SORCS2: variants seen among roughly 807,000 people sequenced by gnomAD.
SORCS2 encodes sortilin related VPS10 domain containing receptor 2, also known as VPS10 domain-containing receptor SorCS2.
Under a neutral mutation model 141.6 loss-of-function variants are expected in SORCS2, and 100 were observed. That is an observed-to-expected ratio of 0.71 (90% CI 0.60 to 0.83). The LOEUF (loss-of-function observed/expected upper bound fraction) is 0.83, where lower values mean the gene tolerates loss of function less well. Ranked by LOEUF, SORCS2 falls within the 40% of genes least tolerant of loss-of-function variation. SORCS2 has a pLI of 0.00. For synonymous variants in SORCS2, 789 were observed against 676.9 expected, an observed-to-expected ratio of 1.17 and a Z score of -2.57; for missense variants, 1,646 against 1,560.2, an observed-to-expected ratio of 1.05 and a Z score of -0.93.
intron 2 of SORCS2, among the ~76,000 whole-genome samples, chr4:7,407,253 A>G (rs1725024585): frequency 1.3e-5 from 2 of 152,094 alleles, no homozygotes; most frequent in Non-Finnish European, 2.9e-5. Context: ...TGATCTGTCC[A>G]TAGCTGCTCA....
intron 2 of SORCS2, among the ~76,000 whole-genome samples, chr4:7,453,308 CTG>C (rs1284158978): frequency 1.6e-4 from 19 of 122,138 alleles, no homozygotes; most frequent in Middle Eastern, 7.2e-3. Flanking sequence ...GGGTCAGGTG[CTG>C]TGTGTTGGGG....
chr4:7,604,569 G>A (rs913671324), intron 3 of SORCS2, among the ~76,000 whole-genome samples: 1 of 152,232 alleles, frequency 6.6e-6, no homozygotes, highest in African/African-American at 2.4e-5. Context: ...AAAGTGCTGG[G>A]ATTACAGGCA....
At chr4:7,643,589 C>T (rs901895124) in intron 4 of SORCS2, among the ~76,000 whole-genome samples, 8 of 152,154 alleles carry the variant, frequency 5.3e-5, no homozygotes, top group African/African-American at 1.4e-4. Context: ...AATGTTCGAA[C>T]AGGGGCTTAA....
chr4:7,638,265 C>A, intron 3 of SORCS2, 63 bp from the exon 4 acceptor site: 2 of 1,483,202 alleles, frequency 1.3e-6, no homozygotes, highest in Non-Finnish European at 1.8e-6. Context: ...CCTCACAACA[C>A]CTTTCTGGTG....
chr4:7,530,954 T>A (rs1257942190), intron 2 of SORCS2, among the ~76,000 whole-genome samples: 2 of 152,152 alleles, frequency 1.3e-5, no homozygotes, highest in Non-Finnish European at 2.9e-5. Flanking sequence ...CGAACTCTGG[T>A]ACCTGCCTGC....
At position 7,728,340 on chromosome 4, in the gene SORCS2, G is replaced by A. The variant is rs376413738; in HGVS notation, c.2870-10G>A. The stretch of plus-strand genomic sequence containing the variant: ...GAACTGACCAGTCTCCCTTCTCTGC[G>A]TCTTTCCAGATCAATTTCAAGTCAT... On this transcript the variant is annotated splice_polypyrimidine_tract_variant and intron_variant, in intron 21 of 26. Transcript: ENST00000507866. 1.3e-4 allele frequency: 216 copies of A among 1,607,230 alleles called. No homozygotes were observed. Among genetic ancestry groups the A allele is most frequent in the Middle Eastern group, 4.9e-4 (3 of 6,076 alleles).
In SORCS2 at chr4:7,204,464, C is replaced by T. The variant is rs529478895; in HGVS notation, c.480+11338C>T. The stretch of plus-strand genomic sequence containing the variant: ...AACTCCTAAGCTCAAGCAATCCACC[C>T]GCCTCAGCCTCCAAAAGTGTTGAGA... On this transcript the variant is annotated intron_variant, in intron 1 of 26. Transcript: ENST00000507866. 8.5e-5 allele frequency among the ~76,000 whole-genome samples: 13 copies of T among 152,292 alleles called. No homozygotes were observed. In the South Asian group the frequency reaches 1.2e-3, roughly 15 times the overall value.
intron 2 of SORCS2, among the ~76,000 whole-genome samples, chr4:7,522,154 C>A (rs77946862): frequency 6.6e-6 from 1 of 152,162 alleles, no homozygotes; most frequent in African/African-American, 2.4e-5. Context: ...AGCTTGCAGG[C>A]GGGTGCTGCC....
chr4:7,560,316 G>T (rs1183898987), intron 3 of SORCS2, among the ~76,000 whole-genome samples: 1 of 152,154 alleles, frequency 6.6e-6, no homozygotes, highest in Non-Finnish European at 1.5e-5. Context: ...TGGGATGGAG[G>T]GCGAGGGATG....
In SORCS2 at chr4:7,193,126, C is replaced by T; in HGVS notation, c.480C>T (p.Ser160=). Residue 160 remains serine (S), a splice_region_variant and synonymous_variant, in exon 1 of 27, where the codon AGC becomes AGT. Coordinates refer to ENST00000507866, the MANE Select transcript of SORCS2 (RefSeq NM_020777.3). The surrounding 1 kb of genome is among the most constrained non-coding windows in gnomAD (Gnocchi z 4.8). ...AMVHWTGENS[S]VILILTKYYH... ...TGCACTGGACGGGCGAGAACAGCAG[C>T]GTAAGTGACCTCCACGCGCTCGCCG... is the stretch of plus-strand genomic sequence containing the variant. 2.0e-6 allele frequency: 3 copies of T among 1,528,210 alleles called. No individual in the cohort carries two copies. Among genetic ancestry groups the T allele is most frequent in the Non-Finnish European group, 2.6e-6 (3 of 1,148,188 alleles). The allele number at this position is 1,528,210 out of a possible 1,614,324, so 94.7% of individuals were successfully genotyped here.
intron 3 of SORCS2, among the ~76,000 whole-genome samples, chr4:7,634,192 G>A (rs1388599448): frequency 1.3e-5 from 2 of 152,152 alleles, no homozygotes; most frequent in South Asian, 2.1e-4. Flanking sequence ...TGGCCAACAT[G>A]GTGAAACCCC....
intron 1 of SORCS2, among the ~76,000 whole-genome samples, chr4:7,254,482 C>A (rs1193274583): frequency 6.6e-6 from 1 of 152,118 alleles, no homozygotes; most frequent in Non-Finnish European, 1.5e-5. Flanking sequence ...TGTCCATGGA[C>A]TTATGAGTGT....
At chr4:7,241,257 C>T (rs1712676652) in intron 1 of SORCS2, among the ~76,000 whole-genome samples, 1 of 152,274 alleles carries the variant, frequency 6.6e-6, no homozygotes, top group East Asian at 1.9e-4. Context: ...TCCTGGGGGG[C>T]CGGTGGGGCT....
At chr4:7,640,627 C>A (rs1275014747) in intron 4 of SORCS2, among the ~76,000 whole-genome samples, 2 of 151,844 alleles carry the variant, frequency 1.3e-5, no homozygotes, top group Non-Finnish European at 2.9e-5. Flanking sequence ...ATCTTCACAT[C>A]TGGAGACCTC....
chr4:7,476,549 T>C (rs1251157082), intron 2 of SORCS2, among the ~76,000 whole-genome samples: 4 of 151,832 alleles, frequency 2.6e-5, no homozygotes, highest in Non-Finnish European at 5.9e-5. Flanking sequence ...CCTAGACAGG[T>C]TGACACATAA....
intron 2 of SORCS2, among the ~76,000 whole-genome samples, chr4:7,445,570 C>T (rs930431129): frequency 2.0e-5 from 3 of 152,164 alleles, no homozygotes; most frequent in Non-Finnish European, 4.4e-5. Context: ...GACTCCTTGG[C>T]TTCTGTTCAG....
intron 1 of SORCS2, chr4:7,381,759 A>T: frequency 5.2e-6 from 1 of 192,966 alleles, no homozygotes; most frequent in Non-Finnish European, 9.5e-6. Flanking sequence ...CAGCCCACTG[A>T]CATTCCAGCC....
chr4:7,550,596 C>T (rs1454654739), intron 3 of SORCS2, among the ~76,000 whole-genome samples: 1 of 152,204 alleles, frequency 6.6e-6, no homozygotes, highest in African/African-American at 2.4e-5. Flanking sequence ...ACAGAGGCTT[C>T]AGGAATCTTA....
At chr4:7,545,814 C>T (rs892614654) in intron 3 of SORCS2, among the ~76,000 whole-genome samples, 4 of 152,228 alleles carry the variant, frequency 2.6e-5, no homozygotes, top group African/African-American at 2.4e-5. Context: ...GCTCTGCCTC[C>T]GTCAGCTCGG....
Sources: gnomAD v4.1 joint callset for allele counts (sites outside exome capture counted in the v4.1 genomes callset) on GRCh38, gnomAD v4.1.1 for gene constraint, Gnocchi (gnomAD v3.1) non-coding constraint, MANE v1.5 for transcripts, NCBI Gene and HGNC (gene_info 2026-07-23, HGNC 2026-07-21) for gene names.